RBFOX3: variants seen among roughly 807,000 people sequenced by gnomAD.
The protein encoded by RBFOX3 is RNA binding protein fox-1 homolog 3.
RBFOX3 carries 17 observed loss-of-function variants against 48.7 expected under a neutral mutation model. That is an observed-to-expected ratio of 0.35 (90% CI 0.24 to 0.52). The LOEUF (loss-of-function observed/expected upper bound fraction) is 0.52. Among genes scored for constraint, RBFOX3 ranks in the 20% least tolerant of loss-of-function variants. The probability of loss-of-function intolerance (pLI) is 0.94; values close to 1 mark genes in which losing one functional copy is unlikely to be tolerated. For synonymous variants in RBFOX3, 212 were observed against 209.5 expected (o/e 1.01, Z -0.10); for missense variants, 382 against 497.5 (o/e 0.77, Z 2.21).
intron 2 of RBFOX3, among the ~76,000 whole-genome samples, chr17:79,328,673 C>T (rs917267117): frequency 9.2e-5 from 14 of 152,286 alleles, no homozygotes; most frequent in South Asian, 8.3e-4. Context: ...TGTTCCCAGG[C>T]TTTGAGACCC....
chr17:79,489,828 C>T (rs1805483976), intron 1 of RBFOX3, among the ~76,000 whole-genome samples: 1 of 152,158 alleles, frequency 6.6e-6, no homozygotes, highest in Non-Finnish European at 1.5e-5. Flanking sequence ...TTCAGGGCTG[C>T]TGGCTTTGCT....
intron 2 of RBFOX3, among the ~76,000 whole-genome samples, chr17:79,415,767 G>A (rs1598597301): frequency 6.6e-6 from 1 of 152,136 alleles, no homozygotes; most frequent in South Asian, 2.1e-4. Context: ...CTGGGCCCTG[G>A]GGGAGGCAGA....
At chr17:79,488,770 A>G (rs1165257572) in intron 1 of RBFOX3, among the ~76,000 whole-genome samples, 5 of 152,206 alleles carry the variant, frequency 3.3e-5, no homozygotes, top group African/African-American at 1.2e-4. Flanking sequence ...TATGAGGCAC[A>G]CAGAAAGAAG....
intron 2 of RBFOX3, among the ~76,000 whole-genome samples, chr17:79,425,954 C>T (rs1304039599): frequency 6.6e-6 from 1 of 152,070 alleles, no homozygotes; most frequent in East Asian, 1.9e-4. Context: ...GCTCTCTCTG[C>T]AATGGGAAGA....
At position 79,392,427 on chromosome 17, in the gene RBFOX3, G is replaced by A. The variant is rs915060582; in HGVS notation, c.-174-84603C>T. ...TCACACGGTAGTGAGCGCAGGGCCC[G>A]GCCACTCACAGGTGCATGGTAATGT... On this transcript the variant is annotated intron_variant, in intron 2 of 14. Coordinates refer to ENST00000693108, the MANE Select transcript of RBFOX3 (RefSeq NM_001350451.2). This position sits in a 1 kb window ranked among gnomAD's most constrained non-coding sequence, Gnocchi z 5.0. Among the ~76,000 whole-genome samples, 2 of 152,108 alleles carry A rather than the reference G, an allele frequency of 1.3e-5. No individual in the cohort carries two copies. Among genetic ancestry groups the A allele is most frequent in the African/African-American group, 4.8e-5 (2 of 41,398 alleles).
chr17:79,621,904 G>A, the RBFOX3 span, among the ~76,000 whole-genome samples: 3 of 151,958 alleles, frequency 2.0e-5, no homozygotes, highest in Non-Finnish European at 2.9e-5. Context: ...TCATGACACC[G>A]CTTAAGAGAC....
At chr17:79,194,106 G>C (rs1038740088) in intron 4 of RBFOX3, among the ~76,000 whole-genome samples, 5 of 152,204 alleles carry the variant, frequency 3.3e-5, no homozygotes, top group African/African-American at 4.8e-5. Context: ...AAAAAACAGA[G>C]ATGATTTTAT....
At chr17:79,357,253 G>A (rs1039818378) in intron 2 of RBFOX3, among the ~76,000 whole-genome samples, 14 of 152,252 alleles carry the variant, frequency 9.2e-5, no homozygotes, top group African/African-American at 3.4e-4. Flanking sequence ...CAGAAAGAGC[G>A]CCACTTGTAA....
intron 2 of RBFOX3, among the ~76,000 whole-genome samples, chr17:79,312,375 G>A (rs2076975511): frequency 1.3e-5 from 2 of 152,174 alleles, no homozygotes; most frequent in Non-Finnish European, 2.9e-5. Context: ...TTTCTAGGGT[G>A]CAGCAGAGAT....
At chr17:79,466,398 C>A (rs576543001) in intron 2 of RBFOX3, among the ~76,000 whole-genome samples, 1 of 152,314 alleles carries the variant, frequency 6.6e-6, no homozygotes, top group Admixed American at 6.5e-5. Flanking sequence ...AGAAGGGCAG[C>A]ACCTGCGAGT....
At chr17:79,149,990 T>TGGGGGGG (rs1221130996) in intron 4 of RBFOX3, among the ~76,000 whole-genome samples, 1 of 11,580 alleles carries the variant, frequency 8.6e-5, no homozygotes, top group Non-Finnish European at 1.9e-4. Context: ...GGGATGGGGA[T>TGGGGGGG]GGGGGTGGGG....
At chr17:79,114,932 G>C (rs1411519692) in intron 5 of RBFOX3, among the ~76,000 whole-genome samples, 1 of 152,228 alleles carries the variant, frequency 6.6e-6, no homozygotes, top group African/African-American at 2.4e-5. Context: ...TGAGAAGTGA[G>C]GGCTCAGCAC....
the RBFOX3 span, among the ~76,000 whole-genome samples, chr17:79,635,059 C>CAAAAAAA: frequency 3.7e-5 from 2 of 53,524 alleles, no homozygotes; most frequent in African/African-American, 1.1e-4. Context: ...GACTCCATCT[C>CAAAAAAA]AAAAAAAAAA....
intron 2 of RBFOX3, among the ~76,000 whole-genome samples, chr17:79,340,394 C>A (rs1426938300): frequency 2.0e-5 from 3 of 152,192 alleles, no homozygotes; most frequent in African/African-American, 7.2e-5. Flanking sequence ...GCAAGCCCCA[C>A]CTCCCAGAAG....
chr17:79,398,430 G>A (rs2148357958), intron 2 of RBFOX3, among the ~76,000 whole-genome samples: 1 of 152,300 alleles, frequency 6.6e-6, no homozygotes, highest in Non-Finnish European at 1.5e-5. Context: ...GACACAGCCT[G>A]ACGATATCTG....
intron 2 of RBFOX3, among the ~76,000 whole-genome samples, chr17:79,383,930 CA>C (rs1321053155): frequency 2.6e-5 from 4 of 152,008 alleles, no homozygotes; most frequent in African/African-American, 9.7e-5. Flanking sequence ...CAAGGAATGT[CA>C]GAGGGGGGGG....
At chr17:79,459,223 G>A (rs936697202) in intron 2 of RBFOX3, among the ~76,000 whole-genome samples, 1 of 152,298 alleles carries the variant, frequency 6.6e-6, no homozygotes, top group Admixed American at 6.5e-5. Context: ...ATGCCGCAGC[G>A]TCACCTCTAT....
chr17:79,104,584 C>T (rs2077030594), intron 6 of RBFOX3, among the ~76,000 whole-genome samples: 2 of 152,200 alleles, frequency 1.3e-5, no homozygotes, highest in Admixed American at 1.3e-4. Context: ...GACTGCCCCA[C>T]CCCTAATTCA....
intron 2 of RBFOX3, among the ~76,000 whole-genome samples, chr17:79,343,266 C>T (rs2082376991): frequency 6.6e-6 from 1 of 152,146 alleles, no homozygotes. Context: ...TAACTCACAC[C>T]TGTAATCCCA....
Sources: allele counts gnomAD v4.1 joint callset (sites outside exome capture counted in the v4.1 genomes callset), GRCh38; gene constraint gnomAD v4.1.1; non-coding constraint Gnocchi (gnomAD v3.1); transcripts MANE v1.5; gene names NCBI Gene and HGNC (gene_info 2026-07-23, HGNC 2026-07-21).